The following ROBO2 variants were observed in gnomAD, a reference collection of about 807,000 sequenced individuals.
ROBO2 encodes roundabout guidance receptor 2, also known as roundabout homolog 2.
Under a neutral mutation model 160.8 loss-of-function variants are expected in ROBO2, and 53 were observed. The ratio of observed to expected loss-of-function variants is 0.33; its 90% CI spans 0.26 to 0.41. The LOEUF is 0.41. Among genes scored for constraint, ROBO2 ranks in the 10% least tolerant of loss-of-function variants. ROBO2 has a pLI of 1.00. For synonymous variants in ROBO2, 664 were observed against 611.7 expected (o/e 1.09, Z -1.26); for missense variants, 1,577 against 1,722.4 (o/e 0.92, Z 1.49).
chr3:76,008,329 C>T (rs2066089816), intron 2 of ROBO2, among the ~76,000 whole-genome samples: 1 of 150,634 alleles, frequency 6.6e-6, no homozygotes, highest in South Asian at 2.1e-4. Context: ...CTAATTTGTG[C>T]TTTTCTTTTT....
At chr3:76,752,548 G>A (rs2060736295) in intron 2 of ROBO2, among the ~76,000 whole-genome samples, 1 of 151,276 alleles carries the variant, frequency 6.6e-6, no homozygotes, top group African/African-American at 2.4e-5. Flanking sequence ...AGATTGAGGA[G>A]GTGTTAGGTA....
chr3:76,600,686 C>A (rs1024820848), intron 2 of ROBO2, among the ~76,000 whole-genome samples: 2 of 152,172 alleles, frequency 1.3e-5, no homozygotes, highest in South Asian at 2.1e-4. Context: ...TCCCACGACA[C>A]GTGGGAATTG....
At chr3:76,289,558 C>T (rs1290642744) in intron 2 of ROBO2, among the ~76,000 whole-genome samples, 1 of 152,066 alleles carries the variant, frequency 6.6e-6, no homozygotes, top group Non-Finnish European at 1.5e-5. Context: ...ATCATGAAAT[C>T]TTTGCTGGAG....
At chr3:76,401,724 T>C (rs2077828308) in intron 2 of ROBO2, among the ~76,000 whole-genome samples, 1 of 151,198 alleles carries the variant, frequency 6.6e-6, no homozygotes. Flanking sequence ...AAATCAAACC[T>C]TTACTCTGAC....
chr3:77,300,183 ATTT>A (rs199652959), intron 2 of ROBO2, among the ~76,000 whole-genome samples: 46,164 of 143,202 alleles, frequency 0.32, 8,229 homozygotes, highest in Middle Eastern at 0.45. Flanking sequence ...AGGGAAATGA[ATTT>A]TTTTTTTTTT....
intron 2 of ROBO2, among the ~76,000 whole-genome samples, chr3:76,508,117 T>A (rs1311893326): frequency 3.3e-5 from 5 of 152,192 alleles, no homozygotes; most frequent in African/African-American, 1.2e-4. Context: ...TGACTTTCCA[T>A]TCATCAAAAT....
chr3:76,214,306 T>A lies in ROBO2; in HGVS notation c.109+276704T>A, dbSNP rs181040014. The stretch of plus-strand genomic sequence containing the variant: ...TTCATGTCCCCTCCAAAATTTGTGT[T>A]AAAACTCGGTCCCTCAGTGGGTGCA... On this transcript the variant is annotated intron_variant, in intron 2 of 26. Transcript: ENST00000487694. Among the ~76,000 whole-genome samples the A allele has an allele frequency of 4.6e-5, 7 of 152,176 alleles. No individual in the cohort carries two copies. In the East Asian group the frequency reaches 1.4e-3, roughly 29 times the overall value.
Position 77,601,132 on chromosome 3 carries a change from T to C in ROBO2, c.2855-1078T>C, listed in dbSNP as rs558189558. 4.8e-3 allele frequency among the ~76,000 whole-genome samples: 730 copies of C among 152,300 alleles called. 7 individuals are homozygous for C. The highest frequency in any genetic ancestry group is 0.017 in the African/African-American group (703 of 41,586). ...AATTCAAAAGCAAAAGTAATATTTCTATAAGAATTTTTATTTCAGGTACTA... is the reference window on the plus strand; with the variant it reads ...AATTCAAAAGCAAAAGTAATATTTCCATAAGAATTTTTATTTCAGGTACTA... On this transcript the variant is annotated intron_variant, in intron 19 of 25. Coordinates refer to ENST00000461745, the Ensembl canonical transcript of ROBO2.
At chr3:76,465,686 C>A (rs1286911180) in intron 2 of ROBO2, among the ~76,000 whole-genome samples, 4 of 151,944 alleles carry the variant, frequency 2.6e-5, no homozygotes, top group Admixed American at 6.6e-5. Context: ...GGTTGAAGAA[C>A]CACCATTTTA....
intron 2 of ROBO2, among the ~76,000 whole-genome samples, chr3:77,253,116 G>A (rs1051016195): frequency 3.3e-5 from 5 of 151,972 alleles, no homozygotes; most frequent in Admixed American, 6.6e-5. Context: ...AGCATGTCTC[G>A]TGTTACTTCA....
chr3:76,981,490 A>G (rs1391457628), intron 2 of ROBO2, among the ~76,000 whole-genome samples: 1 of 152,130 alleles, frequency 6.6e-6, no homozygotes, highest in Admixed American at 6.6e-5. Flanking sequence ...CTTTGGAGGT[A>G]TATCTCTTCT....
At chr3:76,056,430 G>T (rs73842921) in intron 2 of ROBO2, among the ~76,000 whole-genome samples, 3,121 of 151,650 alleles carry the variant, frequency 0.021, 45 homozygotes, top group East Asian at 0.081. Context: ...AAAATGGTGC[G>T]TTTTTAAAAG....
intron 4 of ROBO2, among the ~76,000 whole-genome samples, chr3:77,490,140 T>C (rs1302039178): frequency 8.2e-4 from 120 of 146,692 alleles, no homozygotes; most frequent in Non-Finnish European, 8.6e-4. Flanking sequence ...TCGCTCTGTC[T>C]CCCAGGCTGG....
At chr3:76,256,019 C>T (rs1706337056) in intron 2 of ROBO2, among the ~76,000 whole-genome samples, 1 of 152,010 alleles carries the variant, frequency 6.6e-6, no homozygotes, top group African/African-American at 2.4e-5. Context: ...TTACCCTGAG[C>T]CAGGTGCAGT....
chr3:76,603,340 AAAAAAAAAAAAATATATATATATATAT>A (rs1297660007), intron 2 of ROBO2, among the ~76,000 whole-genome samples: 7 of 52,044 alleles, frequency 1.3e-4, no homozygotes, highest in Non-Finnish European at 2.7e-4. Context: ...TCCAAAAAAA[AAAAAAAAAAAAATATATATATATATAT>A]ATATATATAT....
intron 2 of ROBO2, among the ~76,000 whole-genome samples, chr3:76,860,024 A>C (rs2070576628): frequency 6.6e-6 from 1 of 152,012 alleles, no homozygotes; most frequent in Admixed American, 6.5e-5. Flanking sequence ...ATCATTACCT[A>C]CCTTTGTGTC....
At chr3:76,579,860 C>A (rs2085545897) in intron 2 of ROBO2, among the ~76,000 whole-genome samples, 1 of 151,714 alleles carries the variant, frequency 6.6e-6, no homozygotes, top group Admixed American at 6.6e-5. Flanking sequence ...ATACCACCTG[C>A]CTTAATCAGC....
chr3:77,086,619 T>C (rs1410540894), intron 1 of ROBO2, among the ~76,000 whole-genome samples: 1 of 152,100 alleles, frequency 6.6e-6, no homozygotes. Flanking sequence ...TTACAAATAA[T>C]GGAGTAATGC....
At chr3:76,261,691 A>C (rs1169293032) in intron 2 of ROBO2, among the ~76,000 whole-genome samples, 1 of 152,110 alleles carries the variant, frequency 6.6e-6, no homozygotes, top group Non-Finnish European at 1.5e-5. Flanking sequence ...ATATTAAATA[A>C]GCCCTCTCCT....
Sources: allele counts gnomAD v4.1 joint callset (sites outside exome capture counted in the v4.1 genomes callset), GRCh38; gene constraint gnomAD v4.1.1; transcripts MANE v1.5; gene names NCBI Gene and HGNC (gene_info 2026-07-23, HGNC 2026-07-21).